FMN1: variants seen among roughly 807,000 people sequenced by gnomAD.
FMN1 encodes the protein formin-1.
Under a neutral mutation model 132.4 loss-of-function variants are expected in FMN1, and 110 were observed. The ratio of observed to expected loss-of-function variants is 0.83; its 90% confidence interval spans 0.71 to 0.97. The LOEUF (loss-of-function observed/expected upper bound fraction) is 0.97. Among genes scored for constraint, FMN1 ranks in the 50% least tolerant of loss-of-function variants. The pLI, the probability that FMN1 is intolerant of heterozygous loss-of-function variation, is 0.00. For synonymous variants in FMN1, 722 were observed against 651.7 expected (o/e 1.11, Z -1.64); for missense variants, 1,792 against 1,705.3 (o/e 1.05, Z -0.90).
At chr15:33,015,143 TTTG>T (rs1399083116) in intron 6 of FMN1, among the ~76,000 whole-genome samples, 1 of 152,192 alleles carries the variant, frequency 6.6e-6, no homozygotes, top group Admixed American at 6.5e-5. Context: ...CTGCAGAGTT[TTTG>T]TTTATTCCCT....
chr15:33,044,416 A>G (rs1043760471), intron 6 of FMN1, among the ~76,000 whole-genome samples: 2 of 152,188 alleles, frequency 1.3e-5, no homozygotes, highest in African/African-American at 2.4e-5. Context: ...ATGGCCACCC[A>G]TGGACCAATC....
rs1207847751 is a variant in FMN1 at position 32,769,652 on chromosome 15, G to T, written c.*4658C>A. 2 of 84,980 alleles carry T rather than the reference G, an allele frequency of 2.4e-5. No individual in the cohort carries two copies. Among genetic ancestry groups the T allele is most frequent in the African/African-American group, 6.3e-5 (2 of 31,722 alleles). 5.3% of individuals were successfully genotyped at this position (84,980 alleles called of 1,614,324 possible). On this transcript the variant is annotated 3_prime_UTR_variant, in exon 21 of 21. Coordinates refer to ENST00000616417, the MANE Select transcript of FMN1 (RefSeq NM_001277313.2). ...TTGTTTCTCTCTATAGCTGGAAAAT[G>T]GAAATATATCCAAGTTATTTGCATT...
At chr15:33,107,525 T>TCA (rs1274760610) in intron 4 of FMN1, among the ~76,000 whole-genome samples, 2 of 152,096 alleles carry the variant, frequency 1.3e-5, no homozygotes, top group East Asian at 3.9e-4. Context: ...CCAGCCACCC[T>TCA]CACCTTCTTG....
intron 13 of FMN1, among the ~76,000 whole-genome samples, chr15:32,901,144 G>C (rs1456721982): frequency 1.3e-5 from 2 of 151,482 alleles, no homozygotes; most frequent in Non-Finnish European, 2.9e-5. Context: ...AGAAGAATGA[G>C]ACTCCGTCTC....
chr15:32,804,355 A>C, intron 17 of FMN1, 23 bp from the exon 18 acceptor site: 1 of 1,497,230 alleles, frequency 6.7e-7, no homozygotes, highest in Non-Finnish European at 9.0e-7. Context: ...AATCATGATT[A>C]AAAATTTTTT....
In FMN1 at chr15:32,767,058, T is replaced by G. The variant is rs903999745; in HGVS notation, c.*7252A>C. Reference sequence around the variant, plus strand: ...TACATTGGCACTGATCAATACAAGATCAAGGGCACTCACATTTGCCTAATA... The same window carrying G: ...TACATTGGCACTGATCAATACAAGAGCAAGGGCACTCACATTTGCCTAATA... On this transcript the variant is annotated 3_prime_UTR_variant, in exon 21 of 21. Coordinates refer to ENST00000616417, the MANE Select transcript of FMN1 (RefSeq NM_001277313.2). The G allele has an allele frequency of 1.1e-4, 17 of 152,144 alleles. No individual in the cohort carries two copies. Among genetic ancestry groups the G allele is most frequent in the African/African-American group, 4.1e-4 (17 of 41,432 alleles). 9.4% of individuals were successfully genotyped at this position (152,144 alleles called of 1,614,324 possible).
intron 19 of FMN1, among the ~76,000 whole-genome samples, chr15:32,782,889 A>G (rs1191072881): frequency 2.0e-5 from 3 of 152,240 alleles, no homozygotes; most frequent in Non-Finnish European, 2.9e-5. Context: ...CCTAAGTGAA[A>G]TAACTCAGAA....
chr15:33,125,035 T>C (rs1039790414), intron 4 of FMN1, among the ~76,000 whole-genome samples: 15 of 152,286 alleles, frequency 9.8e-5, no homozygotes, highest in Non-Finnish European at 1.3e-4. Flanking sequence ...GTCTACTCTA[T>C]CATGGAATGC....
intron 3 of FMN1, among the ~76,000 whole-genome samples, chr15:33,160,589 C>T (rs2140299410): frequency 6.6e-6 from 1 of 152,318 alleles, no homozygotes; most frequent in South Asian, 2.1e-4. Context: ...AATCACTGTG[C>T]ATTGGGGTTA....
At chr15:32,897,653 T>C (rs2060192164) in intron 15 of FMN1, among the ~76,000 whole-genome samples, 1 of 152,186 alleles carries the variant, frequency 6.6e-6, no homozygotes, top group African/African-American at 2.4e-5. Flanking sequence ...CCTAATTCAC[T>C]TGAAAATGGG....
At chr15:32,965,711 T>C (rs2031153302) in intron 8 of FMN1, among the ~76,000 whole-genome samples, 1 of 152,198 alleles carries the variant, frequency 6.6e-6, no homozygotes, top group South Asian at 2.1e-4. Context: ...TTTGGCCACA[T>C]TCACCTCTTC....
At chr15:32,883,509 C>CAAAAAAAAAAAAAAAAAAAAAAAAAAAAA in intron 16 of FMN1, among the ~76,000 whole-genome samples, 1 of 25,910 alleles carries the variant, frequency 3.9e-5, no homozygotes, top group Non-Finnish European at 7.4e-5. Context: ...GAACCTATCT[C>CAAAAAAAAAAAAAAAAAAAAAAAAAAAAA]AAAAAAAAAA....
Position 33,128,380 on chromosome 15 carries a change from C to T in FMN1, c.1867+24668G>A, listed in dbSNP as rs932020836. Among the ~76,000 whole-genome samples the T allele has an allele frequency of 5.3e-5, 8 of 152,258 alleles. No individual in the cohort carries two copies. In the East Asian group the frequency reaches 5.8e-4, roughly 11 times the overall value. ...TCTCAAGGATTCACCAGCCTCTCTC[C>T]GAACTCCAACTGCCCGCCATTTGTT... On this transcript the variant is annotated intron_variant, in intron 4 of 20. Transcript: ENST00000616417.
intron 19 of FMN1, among the ~76,000 whole-genome samples, chr15:32,783,736 C>A (rs1301342786): frequency 1.0e-5 from 1 of 97,774 alleles, no homozygotes; most frequent in African/African-American, 4.4e-5. Flanking sequence ...CAGAGCGAGA[C>A]TCTGTTTCAA....
At chr15:32,907,343 T>G (rs2060451831) in intron 12 of FMN1, among the ~76,000 whole-genome samples, 1 of 148,136 alleles carries the variant, frequency 6.8e-6, no homozygotes, top group Non-Finnish European at 1.5e-5. Flanking sequence ...AATCATTAGA[T>G]TCTCATAAGG....
Position 32,966,928 on chromosome 15 carries a change from A to G in FMN1, c.2987+1786T>C, listed in dbSNP as rs57308278. Among the ~76,000 whole-genome samples the G allele has an allele frequency of 7.8e-3, 1,195 of 152,312 alleles. 15 individuals carry two copies. The highest frequency in any genetic ancestry group is 0.028 in the African/African-American group (1,152 of 41,560). On this transcript the variant is annotated intron_variant, in intron 8 of 20. Coordinates refer to ENST00000616417, the MANE Select transcript of FMN1 (RefSeq NM_001277313.2). ...AAGCAGTAGTGCTAATAGGTACAAAAAGTTGGAGGGACCCATAATAAAAGA... is the reference window on the plus strand; with the variant it reads ...AAGCAGTAGTGCTAATAGGTACAAAGAGTTGGAGGGACCCATAATAAAAGA...
chr15:33,103,550 G>C (rs183256525), intron 4 of FMN1, among the ~76,000 whole-genome samples: 1 of 152,062 alleles, frequency 6.6e-6, no homozygotes, highest in Non-Finnish European at 1.5e-5. Flanking sequence ...ATTCACTTTC[G>C]AGTTCCAATG....
chr15:33,153,877 C>G lies in FMN1; in HGVS notation c.1038G>C (p.Thr346=). The change falls in exon 4 of 21, where the codon ACG becomes ACC. Residue 346 remains threonine (T), a synonymous_variant. Transcript: ENST00000616417. Reference sequence around the variant, plus strand: ...CAATCGTCTCCTTACCCTTAGAATGCGTTTTAACTACTCTTTGTACCTGGG... The same window carrying G: ...CAATCGTCTCCTTACCCTTAGAATGGGTTTTAACTACTCTTTGTACCTGGG... ...LSSQVQRVVK[T]HSKGKETIAI... 6.5e-7 allele frequency: 1 copy of G among 1,536,762 alleles called. No homozygotes were observed. The highest frequency in any genetic ancestry group is 8.7e-7 in the Non-Finnish European group (1 of 1,147,064).
intron 17 of FMN1, among the ~76,000 whole-genome samples, chr15:32,854,174 T>C (rs1596089680): frequency 6.6e-6 from 1 of 152,168 alleles, no homozygotes; most frequent in East Asian, 1.9e-4. Flanking sequence ...GTAAAAAAAA[T>C]CAGCAATAAA....
Sources: gnomAD v4.1 joint callset for allele counts (sites outside exome capture counted in the v4.1 genomes callset) on GRCh38, gnomAD v4.1.1 for gene constraint, MANE v1.5 for transcripts, NCBI Gene and HGNC (gene_info 2026-07-23, HGNC 2026-07-21) for gene names.